The following ITFG1 variants were observed in gnomAD, a reference collection of about 807,000 sequenced individuals.
The protein encoded by ITFG1 is T-cell immunomodulatory protein.
ITFG1 carries 34 observed loss-of-function variants against 81.8 expected under a neutral mutation model. The ratio of observed to expected loss-of-function variants is 0.42; its 90% CI spans 0.32 to 0.55. The LOEUF is 0.55. Ranked by LOEUF, ITFG1 falls within the 20% of genes least tolerant of loss-of-function variation. ITFG1 has a pLI of 0.17. For missense variants in ITFG1, 672 were observed against 755.4 expected (o/e 0.89, Z 1.29); for synonymous variants, 285 against 270.6 (o/e 1.05, Z -0.52).
chr16:47,410,910 C>T (rs890643041), intron 6 of ITFG1, among the ~76,000 whole-genome samples: 2 of 152,188 alleles, frequency 1.3e-5, no homozygotes, highest in Admixed American at 6.6e-5. Flanking sequence ...GTAGCTCTAA[C>T]CAGGGCCAGG....
intron 14 of ITFG1, among the ~76,000 whole-genome samples, chr16:47,191,056 C>A (rs1330151508): frequency 6.6e-6 from 1 of 152,082 alleles, no homozygotes; most frequent in Non-Finnish European, 1.5e-5. Context: ...GTCTCCTTGG[C>A]CAAAGTCAGT....
chr16:47,397,898 A>C (rs913722984), intron 6 of ITFG1, among the ~76,000 whole-genome samples: 1 of 152,180 alleles, frequency 6.6e-6, no homozygotes, highest in African/African-American at 2.4e-5. Context: ...GGAGCCACTG[A>C]AGGTCTTTGA....
chr16:47,442,681 G>A (rs556183598), intron 5 of ITFG1, among the ~76,000 whole-genome samples: 1 of 152,268 alleles, frequency 6.6e-6, no homozygotes, highest in South Asian at 2.1e-4. Flanking sequence ...ATGGTGCTGG[G>A]AAAACTGGCT....
intron 7 of ITFG1, among the ~76,000 whole-genome samples, chr16:47,374,416 T>C (rs1968297861): frequency 1.3e-5 from 2 of 152,310 alleles, no homozygotes; most frequent in South Asian, 4.1e-4. Context: ...CTTCATTCCA[T>C]TAAGTTTAAA....
chr16:47,433,471 G>T (rs1485536103), intron 5 of ITFG1, among the ~76,000 whole-genome samples: 1 of 152,026 alleles, frequency 6.6e-6, no homozygotes, highest in East Asian at 1.9e-4. Flanking sequence ...CACTCACTCT[G>T]GTTTCCTTCC....
intron 16 of ITFG1, among the ~76,000 whole-genome samples, chr16:47,160,029 AGAGT>A (rs1419167280): frequency 6.6e-6 from 1 of 152,156 alleles, no homozygotes; most frequent in Non-Finnish European, 1.5e-5. Context: ...GAAATTCAGA[AGAGT>A]AAGTAAACCT....
chr16:47,279,192 G>C (rs1966428271), intron 10 of ITFG1, among the ~76,000 whole-genome samples: 1 of 152,040 alleles, frequency 6.6e-6, no homozygotes, highest in Non-Finnish European at 1.5e-5. Flanking sequence ...CTGGTGTCAT[G>C]GCTAAGAGCT....
chr16:47,334,057 C>T (rs942275261), intron 8 of ITFG1, among the ~76,000 whole-genome samples: 1 of 152,138 alleles, frequency 6.6e-6, no homozygotes, highest in African/African-American at 2.4e-5. Flanking sequence ...TGTGAAAAGG[C>T]TTTTAATCAT....
At chr16:47,399,572 C>CA (rs749907275) in intron 6 of ITFG1, among the ~76,000 whole-genome samples, 13,637 of 123,674 alleles carry the variant, frequency 0.11, 834 homozygotes, top group Admixed American at 0.24. Context: ...GACTCCGTCT[C>CA]AAAAAAAAAA....
intron 10 of ITFG1, among the ~76,000 whole-genome samples, chr16:47,295,547 G>A (rs1286023149): frequency 2.0e-5 from 3 of 152,224 alleles, no homozygotes; most frequent in South Asian, 4.1e-4. Context: ...GAGAGGTTAC[G>A]TTTCCAGGAA....
chr16:47,392,508 T>C (rs1263409815), intron 6 of ITFG1, among the ~76,000 whole-genome samples: 1 of 152,162 alleles, frequency 6.6e-6, no homozygotes, highest in Non-Finnish European at 1.5e-5. Context: ...CCCTGTGATC[T>C]ATTGTAAGGA....
At chr16:47,216,158 CA>C (rs1965621479) in intron 14 of ITFG1, among the ~76,000 whole-genome samples, 1 of 151,820 alleles carries the variant, frequency 6.6e-6, no homozygotes, top group Non-Finnish European at 1.5e-5. Context: ...GTCTAGTTTG[CA>C]GTATAAGTTT....
chr16:47,213,534 T>A (rs1965590245), intron 14 of ITFG1, among the ~76,000 whole-genome samples: 1 of 152,218 alleles, frequency 6.6e-6, no homozygotes, highest in African/African-American at 2.4e-5. Context: ...ATTTGTCTAT[T>A]CGCCTTTCAG....
rs143532135 is a variant in ITFG1, at chr16:47,418,934, C to A, written c.655+9870G>T. 3.6e-3 allele frequency among the ~76,000 whole-genome samples: 554 copies of A among 152,100 alleles called. 5 individuals are homozygous for A. The highest frequency in any genetic ancestry group is 0.013 in the African/African-American group (523 of 41,506). On this transcript the variant is annotated intron_variant, in intron 6 of 17. Transcript: ENST00000320640. ...TTTTTCCTATTTCTGTGAAGAATGC[C>A]ATTGTTATTTTGATAGAGATTACAC...
At chr16:47,232,637 G>GT (rs200391263) in intron 13 of ITFG1, among the ~76,000 whole-genome samples, 15,506 of 144,846 alleles carry the variant, frequency 0.11, 1,007 homozygotes, top group East Asian at 0.19. Flanking sequence ...ATTTGTTCTT[G>GT]TTTTTTTTTT....
intron 5 of ITFG1, among the ~76,000 whole-genome samples, chr16:47,438,023 C>G (rs758000285): frequency 6.6e-6 from 1 of 152,246 alleles, no homozygotes; most frequent in Non-Finnish European, 1.5e-5. Flanking sequence ...AAACCGCACA[C>G]CAGGAGATTA....
At chr16:47,430,236 T>G (rs1296286288) in intron 5 of ITFG1, among the ~76,000 whole-genome samples, 1 of 151,264 alleles carries the variant, frequency 6.6e-6, no homozygotes, top group African/African-American at 2.4e-5. Flanking sequence ...TTTTTGTATT[T>G]TTTTTTTTTA....
At chr16:47,193,341 A>T (rs921314929) in intron 14 of ITFG1, among the ~76,000 whole-genome samples, 6 of 152,014 alleles carry the variant, frequency 3.9e-5, no homozygotes, top group African/African-American at 1.4e-4. Flanking sequence ...ATGGGCAACC[A>T]GGCCTATTTT....
intron 10 of ITFG1, among the ~76,000 whole-genome samples, chr16:47,308,628 T>C (rs1318023760): frequency 6.6e-6 from 1 of 152,206 alleles, no homozygotes; most frequent in Non-Finnish European, 1.5e-5. Context: ...AAACTAAAAT[T>C]ACTTTATAAA....
Sources: gnomAD v4.1 joint callset for allele counts (sites outside exome capture counted in the v4.1 genomes callset) on GRCh38, gnomAD v4.1.1 for gene constraint, MANE v1.5 for transcripts, NCBI Gene and HGNC (gene_info 2026-07-23, HGNC 2026-07-21) for gene names.